PAK5: variants seen among roughly 807,000 people sequenced by gnomAD.
PAK5 encodes serine/threonine-protein kinase PAK 5.
PAK5 carries 16 observed loss-of-function variants against 65.9 expected under a neutral mutation model. That is an observed-to-expected ratio of 0.24 (90% CI 0.16 to 0.37). The LOEUF (loss-of-function observed/expected upper bound fraction) is 0.37, where lower values mean the gene tolerates loss of function less well. Among genes scored for constraint, PAK5 ranks in the 10% least tolerant of loss-of-function variants. The probability of loss-of-function intolerance (pLI) is 1.00; values close to 1 mark genes in which losing one functional copy is unlikely to be tolerated. For synonymous variants in PAK5, 371 were observed against 354.9 expected (o/e 1.05, Z -0.51); for missense variants, 785 against 903.9 (o/e 0.87, Z 1.69).
At chr20:9,694,479 C>T (rs1347792675) in intron 2 of PAK5, among the ~76,000 whole-genome samples, 3 of 151,902 alleles carry the variant, frequency 2.0e-5, no homozygotes, top group East Asian at 3.9e-4. Flanking sequence ...AACGACTTTT[C>T]ACAAAGGGAA....
At chr20:9,575,262 A>T (rs1253809963) in intron 4 of PAK5, among the ~76,000 whole-genome samples, 1 of 152,068 alleles carries the variant, frequency 6.6e-6, no homozygotes, top group Non-Finnish European at 1.5e-5. Context: ...TAGTGTAATT[A>T]TAACTCACTG....
At chr20:9,816,654 C>A (rs577566492) in intron 1 of PAK5, among the ~76,000 whole-genome samples, 1 of 152,164 alleles carries the variant, frequency 6.6e-6, no homozygotes, top group Non-Finnish European at 1.5e-5. Flanking sequence ...GGAATCCATA[C>A]TTTCTCTCTG....
intron 1 of PAK5, among the ~76,000 whole-genome samples, chr20:9,825,662 T>C (rs984205035): frequency 6.6e-6 from 1 of 152,212 alleles, no homozygotes; most frequent in African/African-American, 2.4e-5. Flanking sequence ...TGCAGCAGCC[T>C]ATTTATGCAA....
intron 1 of PAK5, among the ~76,000 whole-genome samples, chr20:9,755,312 C>A (rs2048621304): frequency 6.6e-6 from 1 of 152,190 alleles, no homozygotes; most frequent in African/African-American, 2.4e-5. Flanking sequence ...CCTCAAAAGT[C>A]AAATACACTT....
At chr20:9,601,667 T>C (rs957618998) in intron 3 of PAK5, among the ~76,000 whole-genome samples, 6 of 152,166 alleles carry the variant, frequency 3.9e-5, no homozygotes, top group Non-Finnish European at 7.4e-5. Context: ...CCACTGACTT[T>C]GAACTTGGCC....
chr20:9,718,811 C>G (rs550046887), intron 1 of PAK5, among the ~76,000 whole-genome samples: 2 of 152,128 alleles, frequency 1.3e-5, no homozygotes, highest in African/African-American at 4.8e-5. Context: ...CTTTATAACA[C>G]GGATAATTTT....
intron 1 of PAK5, among the ~76,000 whole-genome samples, chr20:9,774,580 T>C (rs2048867345): frequency 6.6e-6 from 1 of 152,114 alleles, no homozygotes; most frequent in Non-Finnish European, 1.5e-5. Context: ...TCATGATAGC[T>C]AAAAATTGGA....
At chr20:9,704,884 TGAGA>T (rs2047986482) in intron 2 of PAK5, among the ~76,000 whole-genome samples, 1 of 152,038 alleles carries the variant, frequency 6.6e-6, no homozygotes, top group South Asian at 2.1e-4. Context: ...GTATAGGCCT[TGAGA>T]GAGAGAGATC....
Position 9,808,576 on chromosome 20 carries a change from C to T in PAK5, c.-162+30186G>A, listed in dbSNP as rs143370375. Among the ~76,000 whole-genome samples the T allele has an allele frequency of 2.0e-3, 302 of 152,278 alleles. 5 individuals are homozygous for T. Among genetic ancestry groups the T allele is most frequent in the Non-Finnish European group, 7.1e-4 (48 of 68,022 alleles). On this transcript the variant is annotated intron_variant, in intron 1 of 9. Coordinates refer to ENST00000353224, the MANE Select transcript of PAK5 (RefSeq NM_177990.4). The stretch of plus-strand genomic sequence containing the variant: ...GATGAAATACTGATCCATGCTAGAA[C>T]ATGGATGAACCTTGAAAACATTATG...
At chr20:9,541,937 T>C (rs2045271314) in intron 9 of PAK5, among the ~76,000 whole-genome samples, 1 of 152,212 alleles carries the variant, frequency 6.6e-6, no homozygotes, top group African/African-American at 2.4e-5. Flanking sequence ...CCCCTTCGCC[T>C]TCTGCCATGA....
chr20:9,769,983 T>C (rs2048814875), intron 1 of PAK5, among the ~76,000 whole-genome samples: 1 of 151,812 alleles, frequency 6.6e-6, no homozygotes, highest in African/African-American at 2.4e-5. Context: ...TTTTGAGGAG[T>C]TTTTTCTAAA....
intron 1 of PAK5, among the ~76,000 whole-genome samples, chr20:9,786,524 T>G (rs2048994332): frequency 6.6e-6 from 1 of 152,130 alleles, no homozygotes; most frequent in Admixed American, 6.6e-5. Flanking sequence ...AAATGCAGTA[T>G]AGCACATGTA....
At chr20:9,675,071 G>A (rs2047551122) in intron 2 of PAK5, among the ~76,000 whole-genome samples, 1 of 152,114 alleles carries the variant, frequency 6.6e-6, no homozygotes, top group Non-Finnish European at 1.5e-5. Flanking sequence ...TGGCTCCTGA[G>A]GAAAACAGTA....
At chr20:9,658,744 A>G (rs922191404) in intron 2 of PAK5, among the ~76,000 whole-genome samples, 1 of 152,238 alleles carries the variant, frequency 6.6e-6, no homozygotes, top group African/African-American at 2.4e-5. Context: ...TGGTGCAAAT[A>G]CTGTCACATA....
At chr20:9,793,119 C>G (rs1055439474) in intron 1 of PAK5, among the ~76,000 whole-genome samples, 4 of 152,106 alleles carry the variant, frequency 2.6e-5, no homozygotes, top group Admixed American at 2.6e-4. Flanking sequence ...CATCAATACA[C>G]TGGTCACTCC....
At chr20:9,826,752 C>T (rs982530650) in intron 1 of PAK5, among the ~76,000 whole-genome samples, 3 of 152,020 alleles carry the variant, frequency 2.0e-5, no homozygotes, top group Non-Finnish European at 2.9e-5. Flanking sequence ...ACATTGGTGC[C>T]GAAGACTTGG....
chr20:9,580,117 G>A (rs369728568), intron 4 of PAK5, 28 bp downstream of exon 4: 27 of 1,574,712 alleles, frequency 1.7e-5, no homozygotes, highest in Admixed American at 1.1e-4. Context: ...TTTTGCACAC[G>A]TGAGGGAAAG....
At chr20:9,682,286 G>A (rs1427857880) in intron 2 of PAK5, among the ~76,000 whole-genome samples, 2 of 152,148 alleles carry the variant, frequency 1.3e-5, no homozygotes, top group South Asian at 2.1e-4. Flanking sequence ...GAACTAGGGA[G>A]GCAGAGCTTG....
At chr20:9,564,243 C>T (rs2045637363) in intron 5 of PAK5, among the ~76,000 whole-genome samples, 1 of 152,156 alleles carries the variant, frequency 6.6e-6, no homozygotes, top group Non-Finnish European at 1.5e-5. Flanking sequence ...ACTCATGTTT[C>T]CCCACCTATT....
Sources: allele counts gnomAD v4.1 joint callset (sites outside exome capture counted in the v4.1 genomes callset), GRCh38; gene constraint gnomAD v4.1.1; transcripts MANE v1.5; gene names NCBI Gene and HGNC (gene_info 2026-07-23, HGNC 2026-07-21).